The following PHKG1 variants were observed in gnomAD, a reference collection of about 807,000 sequenced individuals.
PHKG1 encodes phosphorylase kinase catalytic subunit gamma 1, also known as phosphorylase b kinase gamma catalytic chain, skeletal muscle/heart isoform.
PHKG1 carries 48 observed loss-of-function variants against 50.5 expected under a neutral mutation model. That is an observed-to-expected ratio of 0.95 (90% CI 0.75 to 1.21). PHKG1 has a LOEUF of 1.21. Ranked by LOEUF, PHKG1 falls within the 50% of genes most tolerant of loss-of-function variation. PHKG1 has a pLI of 0.00. For missense variants in PHKG1, 487 were observed against 519.5 expected, an observed-to-expected ratio of 0.94 and a Z score of 0.61; for synonymous variants, 204 against 212.8, an observed-to-expected ratio of 0.96 and a Z score of 0.36.
chr7:56,087,309 A>G (rs1467546131), intron 3 of PHKG1, among the ~76,000 whole-genome samples: 1 of 151,454 alleles, frequency 6.6e-6, no homozygotes, highest in Non-Finnish European at 1.5e-5. Flanking sequence ...GCAGCCTCAA[A>G]CTACTGGGCT....
rs13238521 is a variant in PHKG1 at position 56,082,246 on chromosome 7, G to A, written c.555C>T (p.Cys185=). The change falls in exon 7 of 10, where the codon TGC becomes TGT. Residue 185 remains cysteine (C), a synonymous_variant. Coordinates refer to ENST00000297373, the MANE Select transcript of PHKG1 (RefSeq NM_006213.5). The stretch of plus-strand genomic sequence containing the variant: ...CAGGGGCCAGGTAACTGGGGGTCCC[G>A]CAGACCTCTGCAGGAACAGTCATCA... ...LEPGERLREV[C]GTPSYLAPEI... 112,781 of 1,611,732 alleles carry A rather than the reference G, an allele frequency of 0.07. 5,188 individuals are homozygous for A. Among genetic ancestry groups the A allele is most frequent in the East Asian group, 0.25 (11,185 of 44,836 alleles).
chr7:56,083,282 C>T lies in PHKG1; in HGVS notation c.543G>A (p.Leu181=). The change falls in exon 6 of 10, where the codon CTG becomes CTA. Residue 181 remains leucine (L), a synonymous_variant. Coordinates refer to ENST00000297373, the MANE Select transcript of PHKG1 (RefSeq NM_006213.5). ...GCCAAGGCCATGTTACCAGACCTCG[C>T]AGCCTCTCTCCCGGCTCCAGCTGGC... ...FSCQLEPGER[L]REVCGTPSYL... The T allele has an allele frequency of 6.2e-7, 1 of 1,613,840 alleles. No individual in the cohort carries two copies. The highest frequency in any genetic ancestry group is 8.5e-7 in the Non-Finnish European group (1 of 1,179,870).
chr7:56,090,504 C>G (rs1421484048), intron 1 of PHKG1, among the ~76,000 whole-genome samples: 1 of 152,124 alleles, frequency 6.6e-6, no homozygotes, highest in Non-Finnish European at 1.5e-5. Context: ...CACTGAACAC[C>G]CACTCTTTGC....
Position 56,081,358 on chromosome 7 carries a change from C to G in PHKG1, c.919-59G>C, listed in dbSNP as rs1217089881. 9 of 1,552,316 alleles carry G rather than the reference C, an allele frequency of 5.8e-6. No individual in the cohort carries two copies. The highest frequency in any genetic ancestry group is 7.8e-6 in the Non-Finnish European group (9 of 1,155,352). On this transcript the variant is annotated intron_variant, in intron 9 of 9. Transcript: ENST00000297373. This position sits in a 1 kb window ranked among gnomAD's most constrained non-coding sequence, Gnocchi z 4.6. The stretch of plus-strand genomic sequence containing the variant: ...CCCCGCCCTGCCAGGCCCTGCCCCT[C>G]CAGCACAGGGACGCTCTGGGCTCGT...
intron 4 of PHKG1, chr7:56,084,370 A>ATTTTT: frequency 2.0e-5 from 8 of 408,770 alleles, no homozygotes; most frequent in Admixed American, 4.8e-5. Context: ...GAGTATCCCG[A>ATTTTT]TTTTTTTTTT....
intron 3 of PHKG1, 112 bp downstream of exon 3, chr7:56,087,486 G>T: frequency 3.0e-6 from 3 of 1,008,040 alleles, no homozygotes; most frequent in Non-Finnish European, 4.4e-6. Flanking sequence ...TGGGAGCCTT[G>T]AGCCTGGGTG....
At chr7:56,083,596 T>A (rs1796121983) in intron 5 of PHKG1, 54 bp downstream of exon 5, 1 of 1,515,340 alleles carries the variant, frequency 6.6e-7, no homozygotes, top group Non-Finnish European at 9.1e-7. Context: ...CCCCAGTGCC[T>A]GTGGCCCTAA....
chr7:56,081,334 C>T lies in PHKG1; in HGVS notation c.919-35G>A, dbSNP rs1562875755. 7 of 1,575,854 alleles carry T rather than the reference C, an allele frequency of 4.4e-6. No individual in the cohort carries two copies. Among genetic ancestry groups the T allele is most frequent in the Non-Finnish European group, 3.4e-6 (4 of 1,167,640 alleles). ...CAGGCGGAGAAGCTGGGCTGCAGCC[C>T]CCGCCCTGCCAGGCCCTGCCCCTCC... is the stretch of plus-strand genomic sequence containing the variant. On this transcript the variant is annotated intron_variant, in intron 9 of 9. Coordinates refer to ENST00000297373, the MANE Select transcript of PHKG1 (RefSeq NM_006213.5). This position sits in a 1 kb window ranked among gnomAD's most constrained non-coding sequence, Gnocchi z 4.6.
At chr7:56,092,102 A>G (rs1432956489) in intron 1 of PHKG1, among the ~76,000 whole-genome samples, 1 of 152,228 alleles carries the variant, frequency 6.6e-6, no homozygotes, top group Admixed American at 6.5e-5. Context: ...TGGCACAGCC[A>G]GCTTGGCCAA....
At chr7:56,087,808 G>A (rs747167471) in intron 2 of PHKG1, 32 bp from the exon 3 acceptor site, 1 of 1,587,804 alleles carries the variant, frequency 6.3e-7, no homozygotes, top group African/African-American at 1.3e-5. Flanking sequence ...GGCCTCGGGG[G>A]GCCCCTCACC....
intron 4 of PHKG1, chr7:56,084,133 G>A (rs765401481): frequency 6.3e-6 from 9 of 1,420,392 alleles, no homozygotes; most frequent in Non-Finnish European, 8.6e-6. Context: ...CGAGCTGGTG[G>A]CCCTGTGAGC....
intron 4 of PHKG1, among the ~76,000 whole-genome samples, chr7:56,084,646 T>G (rs1796176258): frequency 6.6e-6 from 1 of 151,942 alleles, no homozygotes; most frequent in African/African-American, 2.4e-5. Flanking sequence ...GTGTTGGGAT[T>G]ACAGGCGTGA....
intron 2 of PHKG1, chr7:56,088,546 G>A (rs547584886): frequency 9.6e-5 from 19 of 198,172 alleles, no homozygotes; most frequent in Non-Finnish European, 1.6e-4. Context: ...AAAAAGATAC[G>A]GGGTCTTGCT....
Position 56,081,057 on chromosome 7 carries a change from G to A in PHKG1, c.1161C>T (p.Tyr387=). ...CCCTCCCTGACTGGCCAGCCCCTCAGTAGTCCTCCTCGGCCAGGGAGAGGA... is the reference window on the plus strand; with the variant it reads ...CCCTCCCTGACTGGCCAGCCCCTCAATAGTCCTCCTCGGCCAGGGAGAGGA... ...AVLLSLAEED[Y] The change falls in exon 10 of 10, where the codon TAC becomes TAT. Residue 387 remains tyrosine (Y), a synonymous_variant. Coordinates refer to ENST00000297373, the MANE Select transcript of PHKG1 (RefSeq NM_006213.5). This position sits in a 1 kb window ranked among gnomAD's most constrained non-coding sequence, Gnocchi z 4.6. The A allele has an allele frequency of 1.9e-6, 3 of 1,611,970 alleles. No individual in the cohort carries two copies. The highest frequency in any genetic ancestry group is 2.5e-6 in the Non-Finnish European group (3 of 1,179,806).
At chr7:56,086,249 A>T (rs762554379) in intron 4 of PHKG1, among the ~76,000 whole-genome samples, 9 of 151,962 alleles carry the variant, frequency 5.9e-5, no homozygotes, top group Non-Finnish European at 1.3e-4. Context: ...CCCCCAGTGG[A>T]TGCCTGAAAC....
At chr7:56,086,564 C>A in intron 4 of PHKG1, among the ~76,000 whole-genome samples, 1 of 151,584 alleles carries the variant, frequency 6.6e-6, no homozygotes, top group East Asian at 1.9e-4. Flanking sequence ...TCTCGGCTCA[C>A]TTCAACCTCC....
chr7:56,087,452 C>T (rs1424899256), intron 3 of PHKG1, 146 bp downstream of exon 3: 2 of 719,370 alleles, frequency 2.8e-6, no homozygotes, highest in African/African-American at 3.5e-5. Flanking sequence ...GGGACCCCTT[C>T]TATCAGAGCA....
At chr7:56,087,879 C>T (rs1238715278) in intron 2 of PHKG1, 103 bp from the exon 3 acceptor site, 2 of 873,712 alleles carry the variant, frequency 2.3e-6, no homozygotes, top group African/African-American at 1.7e-5. Context: ...CAGAGATTTA[C>T]ACTTTCCCCC....
At chr7:56,092,195 GTGCCTCTGTCTAC>G (rs1367425460) in intron 1 of PHKG1, among the ~76,000 whole-genome samples, 1 of 152,184 alleles carries the variant, frequency 6.6e-6, no homozygotes, top group African/African-American at 2.4e-5. Context: ...GGCCAACTTT[GTGCCTCTGTCTAC>G]TGCCCCACCC....
Sources: gnomAD v4.1 joint callset for allele counts (sites outside exome capture counted in the v4.1 genomes callset) on GRCh38, gnomAD v4.1.1 for gene constraint, Gnocchi (gnomAD v3.1) non-coding constraint, MANE v1.5 for transcripts, NCBI Gene and HGNC (gene_info 2026-07-23, HGNC 2026-07-21) for gene names.